DBX1: variants seen among roughly 807,000 people sequenced by gnomAD.
The protein encoded by DBX1 is developing brain homeobox 1, also known as homeobox protein DBX1.
In DBX1, 10 loss-of-function variants were observed where a neutral mutation model predicts 20.8. The ratio of observed to expected loss-of-function variants is 0.48; its 90% CI spans 0.30 to 0.82. The LOEUF is 0.82. Among genes scored for constraint, DBX1 ranks in the 40% least tolerant of loss-of-function variants. The probability of loss-of-function intolerance (pLI) is 0.07; values close to 1 mark genes in which losing one functional copy is unlikely to be tolerated. For synonymous variants in DBX1, 241 were observed against 213.9 expected, an observed-to-expected ratio of 1.13 and a Z score of -1.11; for missense variants, 505 against 468.8, an observed-to-expected ratio of 1.08 and a Z score of -0.71.
Position 20,157,059 on chromosome 11 carries a change from T to C in DBX1, c.650A>G (p.Lys217Arg). 1 of 1,614,030 alleles carries C rather than the reference T, an allele frequency of 6.2e-7. No individual in the cohort carries two copies. Reference protein sequence around the residue: ...SKPDRKKLAAKLGLKDSQVKI... With the variant: ...SKPDRKKLAARLGLKDSQVKI... The stretch of plus-strand genomic sequence containing the variant: ...CACCTGCGAGTCTTTCAGGCCCAGC[T>C]TGGCCGCCAGCTTCTTGCGGTCGGG... The change falls in exon 3 of 4, where the codon AAG (lysine) becomes AGG (arginine). Residue 217 changes from lysine (K) to arginine (R), a missense_variant. Coordinates refer to ENST00000524983, the MANE Select transcript of DBX1 (RefSeq NM_001029865.4).
At position 20,156,646 on chromosome 11, in the gene DBX1, G is replaced by T. The variant is rs1411882200; in HGVS notation, c.673-73C>A. 2 of 1,606,348 alleles carry T rather than the reference G, an allele frequency of 1.2e-6. No individual in the cohort carries two copies. Among genetic ancestry groups the T allele is most frequent in the East Asian group, 4.5e-5 (2 of 44,838 alleles). ...CAGGGGCTCCGGGGGACGCACGGGG[G>T]CGGGGAGTGGAGTCGGGTGCAGGCT... is the stretch of plus-strand genomic sequence containing the variant. On this transcript the variant is annotated intron_variant, in intron 3 of 3. Transcript: ENST00000524983. This position sits in a 1 kb window ranked among gnomAD's most constrained non-coding sequence, Gnocchi z 4.8.
rs1300252513 is a variant in DBX1 at position 20,157,250 on chromosome 11, G to T, written c.470-11C>A. 2 of 1,550,822 alleles carry T rather than the reference G, an allele frequency of 1.3e-6. No homozygotes were observed. Among genetic ancestry groups the T allele is most frequent in the Non-Finnish European group, 1.7e-6 (2 of 1,151,386 alleles). On this transcript the variant is annotated splice_polypyrimidine_tract_variant and intron_variant, in intron 2 of 3. Coordinates refer to ENST00000524983, the MANE Select transcript of DBX1 (RefSeq NM_001029865.4). ...CCACGCTGGAGGAAGCTGCAGGGTG[G>T]GGGGAGGTGGCGAGTGAGTGGGCGT... is the stretch of plus-strand genomic sequence containing the variant.
At position 20,157,246 on chromosome 11, in the gene DBX1, G is replaced by T. The variant is rs1319070661; in HGVS notation, c.470-7C>A. 6.4e-7 allele frequency: 1 copy of T among 1,550,914 alleles called. No homozygotes were observed. The highest frequency in any genetic ancestry group is 1.2e-5 in the South Asian group (1 of 85,248). ...GGCACCACGCTGGAGGAAGCTGCAG[G>T]GTGGGGGGAGGTGGCGAGTGAGTGG... On this transcript the variant is annotated splice_polypyrimidine_tract_variant and splice_region_variant and intron_variant, in intron 2 of 3. Coordinates refer to ENST00000524983, the MANE Select transcript of DBX1 (RefSeq NM_001029865.4).
intron 2 of DBX1, among the ~76,000 whole-genome samples, chr11:20,158,261 C>G (rs111376125): frequency 2.4e-5 from 2 of 83,668 alleles, no homozygotes; most frequent in Non-Finnish European, 4.6e-5. Context: ...GGGGGGAGGG[C>G]GAATTATCTC....
At position 20,159,429 on chromosome 11, in the gene DBX1, CG is replaced by C. The variant is rs1157153491; in HGVS notation, c.368-138del. ...TGGTTTCAAAGACATCTTTCTTATA[CG>C]TTGACAGGGTAAAATAAATCTTCCC... On this transcript the variant is annotated intron_variant, in intron 1 of 3. Transcript: ENST00000524983. 4.7e-6 allele frequency: 3 copies of C among 633,010 alleles called. No homozygotes were observed. In the South Asian group the frequency reaches 5.8e-5, roughly 12 times the overall value. 39.2% of individuals were successfully genotyped at this position (633,010 alleles called of 1,614,324 possible). A position where few individuals can be genotyped will look rare whatever the true frequency, so the allele number is the denominator to read the frequency against.
intron 2 of DBX1, among the ~76,000 whole-genome samples, chr11:20,157,738 C>A (rs1269678585): frequency 6.6e-6 from 1 of 151,998 alleles, no homozygotes; most frequent in African/African-American, 2.4e-5. Flanking sequence ...AAGTATTCAT[C>A]TTTTTTATAT....
In DBX1 at chr11:20,156,920, G is replaced by T; in HGVS notation, c.672+117C>A. The stretch of plus-strand genomic sequence containing the variant: ...GTACTCACTCCCTCTCTAGGCCTCG[G>T]TTTTCCCATCTGTACAGTGGGACCT... On this transcript the variant is annotated intron_variant, in intron 3 of 3. Coordinates refer to ENST00000524983, the MANE Select transcript of DBX1 (RefSeq NM_001029865.4). This position sits in a 1 kb window ranked among gnomAD's most constrained non-coding sequence, Gnocchi z 4.8. 3.7e-6 allele frequency: 4 copies of T among 1,092,982 alleles called. No individual in the cohort carries two copies. Among genetic ancestry groups the T allele is most frequent in the Non-Finnish European group, 5.3e-6 (4 of 749,538 alleles). The allele number at this position is 1,092,982 out of a possible 1,614,324, so 67.7% of individuals were successfully genotyped here.
chr11:20,159,418 T>A lies in DBX1; in HGVS notation c.368-126A>T, dbSNP rs565023029. 1.1e-4 allele frequency: 71 copies of A among 659,750 alleles called. No individual in the cohort carries two copies. The South Asian group carries it at 1.2e-3, about 11-fold the overall frequency. The allele number at this position is 659,750 out of a possible 1,614,324, so 40.9% of individuals were successfully genotyped here. A position where few individuals can be genotyped will look rare whatever the true frequency, so the allele number is the denominator to read the frequency against. ...AGCCCTTCATCTGGTTTCAAAGACA[T>A]CTTTCTTATACGTTGACAGGGTAAA... On this transcript the variant is annotated intron_variant, in intron 1 of 3. Transcript: ENST00000524983.
At chr11:20,158,896 T>C (rs2063673925) in intron 2 of DBX1, among the ~76,000 whole-genome samples, 1 of 151,798 alleles carries the variant, frequency 6.6e-6, no homozygotes, top group Non-Finnish European at 1.5e-5. Flanking sequence ...AACGGCGGCG[T>C]GAAGGGATGC....
intron 2 of DBX1, among the ~76,000 whole-genome samples, chr11:20,158,444 C>T (rs911732445): frequency 7.9e-5 from 12 of 152,118 alleles, no homozygotes; most frequent in South Asian, 4.1e-4. Context: ...TTTGAATCAT[C>T]AGTGAGGTTA....
rs371876111 is a variant in DBX1 at position 20,156,397 on chromosome 11, G to T, written c.849C>A (p.Gly283=). The T allele has an allele frequency of 4.4e-6, 7 of 1,603,080 alleles. No homozygotes were observed. The African/African-American group carries it at 8.0e-5, about 18-fold the overall frequency. Residue 283 remains glycine, a synonymous_variant, in exon 4 of 4, where the codon GGC becomes GGA. Coordinates refer to ENST00000524983, the MANE Select transcript of DBX1 (RefSeq NM_001029865.4). The surrounding 1 kb of genome is among the most constrained non-coding windows in gnomAD (Gnocchi z 4.8). ...GGTAGGCCAGGCGGTGGCTGGGGCT[G>T]CCCGGGCCCTCCTCCTCCTCTTCGT... The part of the protein sequence containing the change: ...PGNEEEEEGP[G]SPSHRLAYHA...
chr11:20,159,415 A>G lies in DBX1; in HGVS notation c.368-123T>C, dbSNP rs191712920. 5 of 669,330 alleles carry G rather than the reference A, an allele frequency of 7.5e-6. No homozygotes were observed. In the Admixed American group the frequency reaches 1.4e-4, roughly 18 times the overall value. The allele number at this position is 669,330 out of a possible 1,614,324, so 41.5% of individuals were successfully genotyped here. On this transcript the variant is annotated intron_variant, in intron 1 of 3. Coordinates refer to ENST00000524983, the MANE Select transcript of DBX1 (RefSeq NM_001029865.4). ...ATTAGCCCTTCATCTGGTTTCAAAG[A>G]CATCTTTCTTATACGTTGACAGGGT...
chr11:20,156,605 G>C lies in DBX1; in HGVS notation c.673-32C>G, dbSNP rs1440594693. Reference sequence around the variant, plus strand: ...TGTCCCGGCCGGCGAGAAGAAGGGAGAAGCAGAGGTCAGATCAGGGGCTCC... The same window carrying C: ...TGTCCCGGCCGGCGAGAAGAAGGGACAAGCAGAGGTCAGATCAGGGGCTCC... On this transcript the variant is annotated intron_variant, in intron 3 of 3. Coordinates refer to ENST00000524983, the MANE Select transcript of DBX1 (RefSeq NM_001029865.4). This position sits in a 1 kb window ranked among gnomAD's most constrained non-coding sequence, Gnocchi z 4.8. The C allele has an allele frequency of 6.2e-7, 1 of 1,613,736 alleles. No homozygotes were observed. The highest frequency in any genetic ancestry group is 8.5e-7 in the Non-Finnish European group (1 of 1,180,014).
Position 20,157,211 on chromosome 11 carries a change from C to G in DBX1, c.498G>C (p.Gly166=). The G allele has an allele frequency of 1.9e-6, 3 of 1,587,242 alleles. No individual in the cohort carries two copies. Among genetic ancestry groups the G allele is most frequent in the Non-Finnish European group, 1.7e-6 (2 of 1,168,298 alleles). ...PASSSVVPIP[G]TFSWPLAARG... is the part of the protein sequence containing the mutation. Reference sequence around the variant, plus strand: ...GCGCGGCCAGCGGCCAGGAGAAGGTCCCGGGGATGGGCACCACGCTGGAGG... The same window carrying G: ...GCGCGGCCAGCGGCCAGGAGAAGGTGCCGGGGATGGGCACCACGCTGGAGG... Residue 166 remains glycine (G), a synonymous_variant, in exon 3 of 4, where the codon GGG becomes GGC. Coordinates refer to ENST00000524983, the MANE Select transcript of DBX1 (RefSeq NM_001029865.4).
At chr11:20,157,005 C>CGGGGGGGGGG in intron 3 of DBX1, 32 bp downstream of exon 3, 43 of 1,542,876 alleles carry the variant, frequency 2.8e-5, no homozygotes, top group Non-Finnish European at 3.6e-5. Context: ...AGGGCGGGGG[C>CGGGGGGGGGG]GGGGGGGGTG....
chr11:20,156,937 G>A lies in DBX1; in HGVS notation c.672+100C>T. On this transcript the variant is annotated intron_variant, in intron 3 of 3. Coordinates refer to ENST00000524983, the MANE Select transcript of DBX1 (RefSeq NM_001029865.4). The surrounding 1 kb of genome is among the most constrained non-coding windows in gnomAD (Gnocchi z 4.8). ...AGGCCTCGGTTTTCCCATCTGTACA[G>A]TGGGACCTAAGCCGTTTCCGAACCC... 1 of 1,268,734 alleles carries A rather than the reference G, an allele frequency of 7.9e-7. No homozygotes were observed. The highest frequency in any genetic ancestry group is 1.1e-6 in the Non-Finnish European group (1 of 895,072). 78.6% of individuals were successfully genotyped at this position (1,268,734 alleles called of 1,614,324 possible). A position where few individuals can be genotyped will look rare whatever the true frequency, so the allele number is the denominator to read the frequency against.
Position 20,157,076 on chromosome 11 carries a change from G to GCGGT in DBX1, c.629_632dup (p.Lys212ProfsTer37), listed in dbSNP as rs1388255312. On this transcript the variant is annotated frameshift_variant, in exon 3 of 4. Coordinates refer to ENST00000524983, the MANE Select transcript of DBX1 (RefSeq NM_001029865.4). LOFTEE classifies it low-confidence loss of function (END_TRUNC). ...GGCCCAGCTTGGCCGCCAGCTTCTT[G>GCGGT]CGGTCGGGCTTGCTGATGTACTTCT... The GCGGT allele has an allele frequency of 1.7e-5, 27 of 1,614,032 alleles. No individual in the cohort carries two copies. The highest frequency in any genetic ancestry group is 2.3e-5 in the Non-Finnish European group (27 of 1,179,998).
chr11:20,158,356 C>A (rs2063671184), intron 2 of DBX1, among the ~76,000 whole-genome samples: 1 of 152,042 alleles, frequency 6.6e-6, no homozygotes, highest in Non-Finnish European at 1.5e-5. Flanking sequence ...GCAGGCCATA[C>A]CCAGTTTTTC....
In DBX1 at chr11:20,156,165, C is replaced by T. The variant is rs759517349; in HGVS notation, c.*49G>A. 4 of 1,509,528 alleles carry T rather than the reference C, an allele frequency of 2.6e-6. No homozygotes were observed. Among genetic ancestry groups the T allele is most frequent in the Non-Finnish European group, 3.5e-6 (4 of 1,129,444 alleles). 93.5% of individuals were successfully genotyped at this position (1,509,528 alleles called of 1,614,324 possible). On this transcript the variant is annotated 3_prime_UTR_variant, in exon 4 of 4. Coordinates refer to ENST00000524983, the MANE Select transcript of DBX1 (RefSeq NM_001029865.4). The surrounding 1 kb of genome is among the most constrained non-coding windows in gnomAD (Gnocchi z 4.8). Reference sequence around the variant, plus strand: ...TGAATGCGCAGACTGGACCCCACCTCTTCGATTTCAAAGCACTTAAAAATA... The same window carrying T: ...TGAATGCGCAGACTGGACCCCACCTTTTCGATTTCAAAGCACTTAAAAATA...
Sources: allele counts gnomAD v4.1 joint callset (sites outside exome capture counted in the v4.1 genomes callset), GRCh38; gene constraint gnomAD v4.1.1; non-coding constraint Gnocchi (gnomAD v3.1); transcripts MANE v1.5; gene names NCBI Gene and HGNC (gene_info 2026-07-23, HGNC 2026-07-21).